Variants in ZNF850 observed in about 807,000 individuals in gnomAD.
ZNF850 encodes the protein zinc finger protein 850, also known as putative zinc finger protein ENSP00000330994.
In ZNF850, 2 loss-of-function variants were observed where a neutral mutation model predicts 11.9. The ratio of observed to expected loss-of-function variants is 0.17; its 90% CI spans 0.07 to 0.53. The LOEUF is 0.53. Among genes scored for constraint, ZNF850 ranks in the 20% least tolerant of loss-of-function variants. The probability of loss-of-function intolerance (pLI) is 0.94; values close to 1 mark genes in which losing one functional copy is unlikely to be tolerated. For synonymous variants in ZNF850, 381 were observed against 443.0 expected, an observed-to-expected ratio of 0.86 and a Z score of 1.76; for missense variants, 1,014 against 1,316.4, an observed-to-expected ratio of 0.77 and a Z score of 3.55.
rs2040523875 is a variant in ZNF850, at chr19:36,762,296, C to T, written c.139+9G>A. Reference sequence around the variant, plus strand: ...AATTCATGAGTTATTTGCGGATAGACATCCTTACCTAGTGAGACCAGGCTG... The same window carrying T: ...AATTCATGAGTTATTTGCGGATAGATATCCTTACCTAGTGAGACCAGGCTG... On this transcript the variant is annotated intron_variant, in intron 3 of 4. Coordinates refer to ENST00000591344, the MANE Select transcript of ZNF850 (RefSeq NM_001193552.2). 1.3e-6 allele frequency: 2 copies of T among 1,523,510 alleles called. No homozygotes were observed. Among genetic ancestry groups the T allele is most frequent in the Non-Finnish European group, 1.7e-6 (2 of 1,143,594 alleles). 94.4% of individuals were successfully genotyped at this position (1,523,510 alleles called of 1,614,324 possible). A position where few individuals can be genotyped will look rare whatever the true frequency, so the allele number is the denominator to read the frequency against.
intron 1 of ZNF850, among the ~76,000 whole-genome samples, chr19:36,765,741 C>T (rs2040545561): frequency 1.3e-5 from 2 of 151,816 alleles, no homozygotes; most frequent in African/African-American, 2.4e-5. Context: ...TGTGCCACCA[C>T]GCCTGGCTAA....
At chr19:36,755,462 A>G (rs2040480168) in intron 4 of ZNF850, among the ~76,000 whole-genome samples, 1 of 152,022 alleles carries the variant, frequency 6.6e-6, no homozygotes, top group Non-Finnish European at 1.5e-5. Flanking sequence ...CCTGGCCTCA[A>G]GTGATCCACC....
chr19:36,749,739 G>A lies in ZNF850; in HGVS notation c.1301C>T (p.Ser434Leu), dbSNP rs1219544132. The stretch of plus-strand genomic sequence containing the variant: ...AATTCGCTGATGTTGAATTAGTGTT[G>A]AGCCAGCAGTAAAAGATTTTCCACA... ...KECGKSFTAG[S>L]TLIQHQRIHT... Residue 434 changes from serine to leucine, a missense_variant, in exon 5 of 5, where the codon TCA becomes TTA. Coordinates refer to ENST00000591344, the MANE Select transcript of ZNF850 (RefSeq NM_001193552.2). The A allele has an allele frequency of 6.4e-7, 1 of 1,556,100 alleles. No homozygotes were observed. Among genetic ancestry groups the A allele is most frequent in the Non-Finnish European group, 8.7e-7 (1 of 1,152,808 alleles).
rs1315337609 is a variant in ZNF850, at chr19:36,747,830, A to G, written c.3210T>C (p.Cys1070=). The G allele has an allele frequency of 1.9e-6, 3 of 1,577,204 alleles. No individual in the cohort carries two copies. In the African/African-American group the frequency reaches 4.1e-5, roughly 21 times the overall value. Residue 1070 remains cysteine, a synonymous_variant, in exon 5 of 5, where the codon TGT becomes TGC. Coordinates refer to ENST00000591344, the MANE Select transcript of ZNF850 (RefSeq NM_001193552.2). ...GTGTAAGCTGTTTAAAGGCCTTCCCACATGTCTTACATTCATAGGGTTTCT... is the reference window on the plus strand; with the variant it reads ...GTGTAAGCTGTTTAAAGGCCTTCCCGCATGTCTTACATTCATAGGGTTTCT... ...TGEKPYECKT[C]GKAFKQLTQL... is the part of the protein sequence containing the mutation.
In ZNF850 at chr19:36,751,793, AAAT is replaced by A. The variant is rs1225942056; in HGVS notation, c.236-992_236-990del. Among the ~76,000 whole-genome samples the A allele has an allele frequency of 2.0e-5, 3 of 151,632 alleles. No homozygotes were observed. In the South Asian group the frequency reaches 6.2e-4, roughly 32 times the overall value. On this transcript the variant is annotated intron_variant, in intron 4 of 4. Transcript: ENST00000591344. ...TAGATCTCAGCACCATAGGAAAGGT[AAAT>A]AATAATAACAACATTGCTTCAACAA...
chr19:36,771,978 T>A (rs967271296), intron 1 of ZNF850, among the ~76,000 whole-genome samples: 2 of 152,070 alleles, frequency 1.3e-5, no homozygotes, highest in Non-Finnish European at 2.9e-5. Context: ...ATTTAGTTGG[T>A]CCCCGCCATA....
rs1473261525 is a variant in ZNF850 at position 36,748,802 on chromosome 19, T to C, written c.2238A>G (p.Gln746=). 1 of 1,551,284 alleles carries C rather than the reference T, an allele frequency of 6.4e-7. No homozygotes were observed. Among genetic ancestry groups the C allele is most frequent in the African/African-American group, 1.4e-5 (1 of 73,348 alleles). The change falls in exon 5 of 5, where the codon CAA becomes CAG. Residue 746 remains glutamine, a synonymous_variant. Transcript: ENST00000591344. ...TCTCACCAGTGTGAATTTGCTGATG[T>C]TGAATTAGTGTTGAGTGAGAAGTAA... is the stretch of plus-strand genomic sequence containing the variant. ...KSFTSHSTLI[Q]HQQIHTGEKP...
At position 36,748,064 on chromosome 19, in the gene ZNF850, G is replaced by T. The variant is rs761438060; in HGVS notation, c.2976C>A (p.Cys992Ter). ...ECKECGKSFT[C>*]GSELIRHQRT... is the part of the protein sequence containing the mutation. ...GCTGATGTCGAATTAGTTCTGAGCC[G>T]CAAGTAAAAGATTTCCCACATTCTT... Residue 992 changes from cysteine (C) to a stop codon, truncating the protein, a stop_gained, in exon 5 of 5, where the codon TGC becomes TGA. Transcript: ENST00000591344. LOFTEE classifies it low-confidence loss of function (END_TRUNC). 2 of 1,559,840 alleles carry T rather than the reference G, an allele frequency of 1.3e-6. No homozygotes were observed. The highest frequency in any genetic ancestry group is 1.4e-5 in the African/African-American group (1 of 72,410).
intron 1 of ZNF850, among the ~76,000 whole-genome samples, chr19:36,770,908 G>A (rs1227813): frequency 0.04 from 6,144 of 152,074 alleles, 416 homozygotes; most frequent in African/African-American, 0.14. Flanking sequence ...AATCCCTGGT[G>A]TTATTGGTAC....
At position 36,749,227 on chromosome 19, in the gene ZNF850, G is replaced by A; in HGVS notation, c.1813C>T (p.Leu605Phe). The A allele has an allele frequency of 6.3e-7, 1 of 1,590,906 alleles. No homozygotes were observed. Among genetic ancestry groups the A allele is most frequent in the Non-Finnish European group, 8.5e-7 (1 of 1,171,082 alleles). ...GKSFTVGSTL[L>F]QHQQIHTGEK... The stretch of plus-strand genomic sequence containing the variant: ...CCAGTGTGAATTTGCTGATGTTGAA[G>A]TAGTGTTGAGCCAACAGTAAAAGAT... The change falls in exon 5 of 5, where the codon CTT becomes TTT. Residue 605 changes from leucine (L) to phenylalanine (F), a missense_variant. Around this residue, in one of 2 missense-constraint regions of ZNF850, gnomAD observed 835 missense variants for 1,022.0 expected, o/e 0.82. Coordinates refer to ENST00000591344, the MANE Select transcript of ZNF850 (RefSeq NM_001193552.2).
Position 36,762,639 on chromosome 19 carries a change from C to T in ZNF850, c.-33G>A. 1 of 1,532,306 alleles carries T rather than the reference C, an allele frequency of 6.5e-7. No homozygotes were observed. The highest frequency in any genetic ancestry group is 8.7e-7 in the Non-Finnish European group (1 of 1,143,424). 94.9% of individuals were successfully genotyped at this position (1,532,306 alleles called of 1,614,324 possible). On this transcript the variant is annotated 5_prime_UTR_variant, in exon 2 of 5. An upstream start codon of the reference 5' UTR is lost. Coordinates refer to ENST00000591344, the MANE Select transcript of ZNF850 (RefSeq NM_001193552.2). ...CCTGTTGCAGCCAGCAAACCTCCTT[C>T]ATAGAATGGGACATTCCGAATATTC... is the stretch of plus-strand genomic sequence containing the variant.
In ZNF850 at chr19:36,748,433, A is replaced by T; in HGVS notation, c.2607T>A (p.Tyr869Ter). 6.4e-7 allele frequency: 1 copy of T among 1,560,064 alleles called. No homozygotes were observed. Among genetic ancestry groups the T allele is most frequent in the Non-Finnish European group, 8.6e-7 (1 of 1,157,814 alleles). ...AAGATTTTCCACATTCCTTACAATG[A>T]TAGGGTTTCTCACCAGTGTGAATTC... ...HQRIHTGEKP[Y>*]HCKECGKSFA... The change falls in exon 5 of 5, where the codon TAT becomes TAA. Residue 869 changes from tyrosine (Y) to a stop codon, truncating the protein, a stop_gained. Coordinates refer to ENST00000591344, the MANE Select transcript of ZNF850 (RefSeq NM_001193552.2). LOFTEE classifies it low-confidence loss of function (END_TRUNC).
chr19:36,763,266 C>T (rs972025819), intron 1 of ZNF850, among the ~76,000 whole-genome samples: 13 of 152,076 alleles, frequency 8.5e-5, no homozygotes, highest in South Asian at 2.1e-4. Flanking sequence ...ATTGGCTGGG[C>T]GCGGTGGCTC....
intron 4 of ZNF850, among the ~76,000 whole-genome samples, chr19:36,760,743 T>C (rs1049570991): frequency 3.9e-5 from 6 of 151,986 alleles, no homozygotes; most frequent in African/African-American, 1.2e-4. Context: ...TACATGCCTG[T>C]AGTCCCAGCT....
intron 4 of ZNF850, among the ~76,000 whole-genome samples, chr19:36,760,441 T>C (rs1204426214): frequency 2.0e-5 from 3 of 152,012 alleles, no homozygotes; most frequent in Non-Finnish European, 4.4e-5. Context: ...AAAGAGATAT[T>C]GTCTCAAAAT....
chr19:36,765,194 A>G (rs1035574662), intron 1 of ZNF850, among the ~76,000 whole-genome samples: 1 of 152,174 alleles, frequency 6.6e-6, no homozygotes, highest in Non-Finnish European at 1.5e-5. Flanking sequence ...ATTTCACTCC[A>G]TTAGTTTCAC....
intron 4 of ZNF850, among the ~76,000 whole-genome samples, chr19:36,752,720 A>T (rs2040460857): frequency 6.6e-6 from 1 of 152,224 alleles, no homozygotes; most frequent in Non-Finnish European, 1.5e-5. Context: ...TTTCTTCAAC[A>T]TATAAATTTC....
rs144649280 is a variant in ZNF850, at chr19:36,747,202, AT to A, written c.*564del. 1,956 of 153,584 alleles carry A rather than the reference AT, an allele frequency of 0.013. 21 individuals carry two copies. Among genetic ancestry groups the A allele is most frequent in the Non-Finnish European group, 0.019 (1,347 of 69,132 alleles). The allele number at this position is 153,584 out of a possible 1,614,324, so 9.5% of individuals were successfully genotyped here. A position where few individuals can be genotyped will look rare whatever the true frequency, so the allele number is the denominator to read the frequency against. On this transcript the variant is annotated 3_prime_UTR_variant, in exon 5 of 5. Transcript: ENST00000591344. ...CACAAAAACAACTATTGCCATCAAC[AT>A]TTTATCAATTAGTAATTTTGGCACA...
At chr19:36,765,112 C>T (rs1394403645) in intron 1 of ZNF850, among the ~76,000 whole-genome samples, 2 of 152,194 alleles carry the variant, frequency 1.3e-5, no homozygotes, top group East Asian at 3.8e-4. Flanking sequence ...TGCTTTGGCT[C>T]TTAGGAGAGA....
Sources: allele counts gnomAD v4.1 joint callset (sites outside exome capture counted in the v4.1 genomes callset), GRCh38; gene constraint gnomAD v4.1.1; regional missense constraint gnomAD v4.1.1; transcripts MANE v1.5; gene names NCBI Gene and HGNC (gene_info 2026-07-23, HGNC 2026-07-21).